EPS15L1: variants seen among roughly 807,000 people sequenced by gnomAD.
EPS15L1 encodes epidermal growth factor receptor pathway substrate 15 like 1.
EPS15L1 carries 43 observed loss-of-function variants against 117.1 expected under a neutral mutation model. The ratio of observed to expected loss-of-function variants is 0.37; its 90% confidence interval spans 0.29 to 0.47. The LOEUF is 0.47. Ranked by LOEUF, EPS15L1 falls within the 20% of genes least tolerant of loss-of-function variation. The pLI, the probability that EPS15L1 is intolerant of heterozygous loss-of-function variation, is 0.99. For missense variants in EPS15L1, 981 were observed against 1,164.0 expected, an observed-to-expected ratio of 0.84 and a Z score of 2.29; for synonymous variants, 459 against 470.5, an observed-to-expected ratio of 0.98 and a Z score of 0.32.
Position 16,436,924 on chromosome 19 carries a change from C to G in EPS15L1, c.372+13G>C. The stretch of plus-strand genomic sequence containing the variant: ...AAGGAGAGCCAAGGAGGGAGCTATT[C>G]CCGTTCACTTACCCTCACAGCCCAG... On this transcript the variant is annotated intron_variant, in intron 6 of 23. Coordinates refer to ENST00000455140, the MANE Select transcript of EPS15L1 (RefSeq NM_001258374.3). 1 of 1,607,892 alleles carries G rather than the reference C, an allele frequency of 6.2e-7. No individual in the cohort carries two copies. Among genetic ancestry groups the G allele is most frequent in the Non-Finnish European group, 8.5e-7 (1 of 1,174,696 alleles).
chr19:16,368,348 G>A (rs987439216), intron 22 of EPS15L1, among the ~76,000 whole-genome samples: 1 of 151,976 alleles, frequency 6.6e-6, no homozygotes, highest in African/African-American at 2.4e-5. Flanking sequence ...ACATGCACAA[G>A]CATCATTGAT....
rs1000846057 is a variant in EPS15L1, at chr19:16,383,382, C to T, written c.2247+1747G>A. ...AGAGGAGGAAGACAGATCCAGCCTC[C>T]CAAAGGAAGAGGAGTCCACTTGCGA... On this transcript the variant is annotated intron_variant, in intron 21 of 23. Transcript: ENST00000455140. This position sits in a 1 kb window ranked among gnomAD's most constrained non-coding sequence, Gnocchi z 5.2. 6.6e-6 allele frequency: 1 copy of T among 152,226 alleles called. No individual in the cohort carries two copies. Among genetic ancestry groups the T allele is most frequent in the Non-Finnish European group, 1.5e-5 (1 of 68,048 alleles). The allele number at this position is 152,226 out of a possible 1,614,324, so 9.4% of individuals were successfully genotyped here.
At chr19:16,470,244 G>A (rs959252518) in intron 1 of EPS15L1, among the ~76,000 whole-genome samples, 1 of 152,038 alleles carries the variant, frequency 6.6e-6, no homozygotes, top group Non-Finnish European at 1.5e-5. Context: ...AAAATTAGCC[G>A]GGTGTGGTAG....
At chr19:16,418,559 C>A (rs1386099329) in intron 10 of EPS15L1, among the ~76,000 whole-genome samples, 1 of 152,242 alleles carries the variant, frequency 6.6e-6, no homozygotes, top group African/African-American at 2.4e-5. Context: ...ATGGGGATGA[C>A]AGCAGCACTT....
chr19:16,445,555 G>A (rs1287272269), intron 1 of EPS15L1, among the ~76,000 whole-genome samples: 1 of 152,186 alleles, frequency 6.6e-6, no homozygotes, highest in East Asian at 1.9e-4. Flanking sequence ...CCTGCACGCT[G>A]CCCTGATATG....
chr19:16,443,078 T>C (rs1026735666), intron 1 of EPS15L1, among the ~76,000 whole-genome samples: 1 of 152,230 alleles, frequency 6.6e-6, no homozygotes, highest in African/African-American at 2.4e-5. Flanking sequence ...AAAGTTTACG[T>C]GCGTTGGTGT....
At chr19:16,464,099 T>C (rs2145192309) in intron 1 of EPS15L1, among the ~76,000 whole-genome samples, 1 of 152,312 alleles carries the variant, frequency 6.6e-6, no homozygotes. Context: ...GGAGGAGAAG[T>C]GACTTTATGT....
At chr19:16,399,019 C>T (rs916140254) in intron 16 of EPS15L1, among the ~76,000 whole-genome samples, 4 of 151,492 alleles carry the variant, frequency 2.6e-5, no homozygotes, top group African/African-American at 7.3e-5. Flanking sequence ...TGTTTTCAGT[C>T]GTCACTTGGA....
chr19:16,444,396 G>T (rs1294779503), intron 1 of EPS15L1, among the ~76,000 whole-genome samples: 1 of 152,166 alleles, frequency 6.6e-6, no homozygotes, highest in African/African-American at 2.4e-5. Context: ...TGGGTGAGGG[G>T]TACAGGAAGG....
chr19:16,388,450 C>T (rs774891076), intron 19 of EPS15L1, among the ~76,000 whole-genome samples: 6 of 152,150 alleles, frequency 3.9e-5, no homozygotes, highest in South Asian at 2.1e-4. Context: ...TCAAAAACTA[C>T]TGAAAACCAA....
chr19:16,361,314 A>G (rs1189397354), intron 23 of EPS15L1, among the ~76,000 whole-genome samples: 1 of 151,968 alleles, frequency 6.6e-6, no homozygotes, highest in Non-Finnish European at 1.5e-5. Context: ...GAAGTCCTTC[A>G]ATTTGCACTT....
intron 23 of EPS15L1, chr19:16,358,291 G>T (rs533129390): frequency 3.3e-5 from 5 of 153,128 alleles, no homozygotes; most frequent in African/African-American, 1.2e-4. Flanking sequence ...CATTGGTGAG[G>T]TCTGTATGCA....
chr19:16,470,227 A>AC (rs1164032920), intron 1 of EPS15L1, among the ~76,000 whole-genome samples: 2 of 152,086 alleles, frequency 1.3e-5, no homozygotes, highest in African/African-American at 4.8e-5. Flanking sequence ...ACTAAAAAAA[A>AC]AATACAAAAA....
chr19:16,440,158 C>T (rs2093016774), intron 4 of EPS15L1, among the ~76,000 whole-genome samples: 1 of 151,630 alleles, frequency 6.6e-6, no homozygotes, highest in South Asian at 2.1e-4. Context: ...TGTGGCTGGG[C>T]GTGGTGGCTC....
At chr19:16,425,018 A>T (rs2092855280) in intron 9 of EPS15L1, 65 bp downstream of exon 9, 32 of 1,367,292 alleles carry the variant, frequency 2.3e-5, no homozygotes, top group Non-Finnish European at 3.3e-5. Context: ...GTTGCATGTT[A>T]AGAACTCCCG....
intron 1 of EPS15L1, among the ~76,000 whole-genome samples, chr19:16,467,516 G>A (rs1269771637): frequency 2.7e-5 from 4 of 149,246 alleles, no homozygotes; most frequent in Admixed American, 1.3e-4. Context: ...CTATTTAGTC[G>A]AAAAAACAAC....
rs2093036317 is a variant in EPS15L1 at position 16,441,952 on chromosome 19, C to T, written c.105G>A (p.Gly35=). 6.2e-7 allele frequency: 1 copy of T among 1,614,040 alleles called. No homozygotes were observed. The highest frequency in any genetic ancestry group is 8.5e-7 in the Non-Finnish European group (1 of 1,179,974). Residue 35 remains glycine (G), a synonymous_variant, in exon 3 of 24, where the codon GGG becomes GGA. Transcript: ENST00000455140. Reference sequence around the variant, plus strand: ...TTAGAAAAAGCGCAGCTTCACTCGCCCCCACCCTCCCTGTGTATGCCGGAT... The same window carrying T: ...TTAGAAAAAGCGCAGCTTCACTCGCTCCCACCCTCCCTGTGTATGCCGGAT... ...QVDPAYTGRV[G]ASEAALFLKK...
chr19:16,392,235 C>T (rs751511828), intron 19 of EPS15L1, 69 bp downstream of exon 19: 159 of 1,580,866 alleles, frequency 1.0e-4, no homozygotes, highest in Middle Eastern at 1.8e-4. Flanking sequence ...AGGGGGCCTT[C>T]GGGAAGCGCC....
intron 1 of EPS15L1, among the ~76,000 whole-genome samples, chr19:16,469,043 C>T (rs886221850): frequency 6.6e-6 from 1 of 152,032 alleles, no homozygotes; most frequent in African/African-American, 2.4e-5. Context: ...ATGACTTCCA[C>T]AGTGGCGTGG....
Sources: gnomAD v4.1 joint callset for allele counts (sites outside exome capture counted in the v4.1 genomes callset) on GRCh38, gnomAD v4.1.1 for gene constraint, Gnocchi (gnomAD v3.1) non-coding constraint, MANE v1.5 for transcripts, NCBI Gene and HGNC (gene_info 2026-07-23, HGNC 2026-07-21) for gene names.